TCF4: variants seen among roughly 807,000 people sequenced by gnomAD.
The protein encoded by TCF4 is SL3-3 enhancer factor 2.
A neutral mutation model predicts 82.1 loss-of-function variants in TCF4; 3 were observed. That is an observed-to-expected ratio of 0.04 (90% CI 0.02 to 0.09). The LOEUF is 0.09. Among genes scored for constraint, TCF4 ranks in the 10% least tolerant of loss-of-function variants. The pLI is 1.00. For synonymous variants in TCF4, 276 were observed against 309.6 expected (o/e 0.89, Z 1.14); for missense variants, 518 against 852.7 (o/e 0.61, Z 4.89).
At chr18:55,366,323 T>A (rs1239917286) in intron 6 of TCF4, among the ~76,000 whole-genome samples, 1 of 152,246 alleles carries the variant, frequency 6.6e-6, no homozygotes, top group African/African-American at 2.4e-5. Flanking sequence ...CTATAATTTT[T>A]GTTTTTGTCT....
At chr18:55,538,954 T>G (rs954523998) in intron 3 of TCF4, among the ~76,000 whole-genome samples, 1 of 151,840 alleles carries the variant, frequency 6.6e-6, no homozygotes. Flanking sequence ...ATCTTAGAAA[T>G]GAGAGGGGAT....
intron 3 of TCF4, chr18:55,550,425 A>G (rs1313104315): frequency 6.6e-6 from 1 of 152,142 alleles, no homozygotes; most frequent in East Asian, 1.9e-4. Context: ...ACTGCCAACA[A>G]TGCGTTCCTC....
chr18:55,538,813 G>T (rs905720906), intron 3 of TCF4, among the ~76,000 whole-genome samples: 3 of 152,118 alleles, frequency 2.0e-5, no homozygotes, highest in Non-Finnish European at 4.4e-5. Flanking sequence ...TAAAAAAATT[G>T]TAAGATTTTA....
intron 2 of TCF4, among the ~76,000 whole-genome samples, chr18:55,621,203 ATG>A (rs1220157504): frequency 6.6e-6 from 1 of 151,390 alleles, no homozygotes; most frequent in African/African-American, 2.4e-5. Context: ...CATCTAGAAA[ATG>A]GGGATAATTA....
chr18:55,518,899 G>GT (rs1417279737), intron 3 of TCF4: 1 of 152,062 alleles, frequency 6.6e-6, no homozygotes, highest in African/African-American at 2.4e-5. Context: ...ATCTTGAAAA[G>GT]TAAGATTTAG....
At chr18:55,362,339 G>GAGGAAGGA (rs765447444) in intron 6 of TCF4, among the ~76,000 whole-genome samples, 2,123 of 68,508 alleles carry the variant, frequency 0.031, 117 homozygotes, top group Non-Finnish European at 0.039. Flanking sequence ...AAAAAAAAAA[G>GAGGAAGGA]AGGAAGGAAG....
At chr18:55,332,830 G>A (rs982993991) in intron 8 of TCF4, among the ~76,000 whole-genome samples, 2 of 152,104 alleles carry the variant, frequency 1.3e-5, no homozygotes, top group African/African-American at 4.8e-5. Flanking sequence ...TTGACAATAT[G>A]GTAGGAATTA....
intron 3 of TCF4, among the ~76,000 whole-genome samples, chr18:55,488,388 T>C (rs1000305262): frequency 9.2e-5 from 14 of 152,166 alleles, no homozygotes; most frequent in African/African-American, 2.9e-4. Flanking sequence ...AGGAGTGAAA[T>C]TGGTTTTTTT....
intron 2 of TCF4, among the ~76,000 whole-genome samples, chr18:55,625,307 C>A (rs1322656419): frequency 6.7e-6 from 1 of 150,260 alleles, no homozygotes; most frequent in African/African-American, 2.5e-5. Flanking sequence ...GGCCTGATCT[C>A]GGCTCACTGC....
At chr18:55,500,519 A>T (rs1404742238) in intron 3 of TCF4, among the ~76,000 whole-genome samples, 1 of 152,186 alleles carries the variant, frequency 6.6e-6, no homozygotes, top group African/African-American at 2.4e-5. Flanking sequence ...TGTTTATACG[A>T]CTATTTAATG....
At chr18:55,465,479 A>C (rs1455901995) in intron 3 of TCF4, among the ~76,000 whole-genome samples, 6 of 152,064 alleles carry the variant, frequency 3.9e-5, no homozygotes, top group Non-Finnish European at 7.4e-5. Context: ...AGCAGATAAC[A>C]CAAACTGCAA....
At position 55,426,701 on chromosome 18, in the gene TCF4, A is replaced by G. The variant is rs557425933; in HGVS notation, c.305-23183T>C. Among the ~76,000 whole-genome samples the G allele has an allele frequency of 5.9e-5, 9 of 151,996 alleles. No individual in the cohort carries two copies. The East Asian group carries it at 1.7e-3, about 29-fold the overall frequency. On this transcript the variant is annotated intron_variant, in intron 5 of 19. Coordinates refer to ENST00000354452, the MANE Select transcript of TCF4 (RefSeq NM_001083962.2). ...TGCATGTAAGTACAAAAACTTTTCC[A>G]ACCCAGAAAAATATTTCAATACCCT...
chr18:55,418,587 T>A (rs1021236788), intron 5 of TCF4, among the ~76,000 whole-genome samples: 1 of 152,162 alleles, frequency 6.6e-6, no homozygotes, highest in African/African-American at 2.4e-5. Context: ...TCCTGTTAGG[T>A]AGATACCATA....
chr18:55,627,158 A>G (rs2097727249), intron 2 of TCF4, among the ~76,000 whole-genome samples: 1 of 152,170 alleles, frequency 6.6e-6, no homozygotes, highest in African/African-American at 2.4e-5. Context: ...GGTAACTCCA[A>G]TGGCTCCCTT....
chr18:55,483,275 T>C (rs923662300), intron 3 of TCF4, among the ~76,000 whole-genome samples: 1 of 152,254 alleles, frequency 6.6e-6, no homozygotes, highest in Non-Finnish European at 1.5e-5. Flanking sequence ...AAATGTATAA[T>C]GAGTTTTCAT....
At chr18:55,456,146 G>A (rs1046779165) in intron 5 of TCF4, among the ~76,000 whole-genome samples, 1 of 152,180 alleles carries the variant, frequency 6.6e-6, no homozygotes, top group African/African-American at 2.4e-5. Context: ...GAATTATAAT[G>A]AGCTAGCAGC....
At chr18:55,618,092 G>A (rs625114) in intron 2 of TCF4, among the ~76,000 whole-genome samples, 152,038 of 152,274 alleles carry the variant, frequency 1, 75,902 homozygotes, top group Middle Eastern at 1. Flanking sequence ...CTTGTCATAT[G>A]TGGCCTTTAT....
In TCF4 at chr18:55,297,170, T is replaced by TTTA. The variant is rs1555836667; in HGVS notation, c.550-17515_550-17514insTAA. Reference sequence around the variant, plus strand: ...AGGTTTTTTTTTTTTTTTTTTTTTTTATCCCTTAGGATCAGGAAGCCATGA... The same window carrying TTTA: ...AGGTTTTTTTTTTTTTTTTTTTTTTTTTAATCCCTTAGGATCAGGAAGCCATGA... On this transcript the variant is annotated intron_variant, in intron 8 of 19. Transcript: ENST00000354452. 6.0e-3 allele frequency among the ~76,000 whole-genome samples: 590 copies of TTTA among 97,994 alleles called. 11 individuals carry two copies. The highest frequency in any genetic ancestry group is 0.024 in the African/African-American group (553 of 23,340). The allele number at this position is 97,994 out of a possible 152,430, so 64.3% of individuals were successfully genotyped here.
intron 8 of TCF4, among the ~76,000 whole-genome samples, chr18:55,308,715 G>A (rs2071216229): frequency 6.6e-6 from 1 of 152,304 alleles, no homozygotes; most frequent in East Asian, 1.9e-4. Context: ...TGTAACTCAA[G>A]CTCTAAATTT....
Sources: gnomAD v4.1 joint callset for allele counts (sites outside exome capture counted in the v4.1 genomes callset) on GRCh38, gnomAD v4.1.1 for gene constraint, MANE v1.5 for transcripts, NCBI Gene and HGNC (gene_info 2026-07-23, HGNC 2026-07-21) for gene names.